Variants in MYH4 observed in about 807,000 individuals in gnomAD.
The protein encoded by MYH4 is myosin heavy chain 4.
In MYH4, 200 loss-of-function variants were observed where a neutral mutation model predicts 229.9. The ratio of observed to expected loss-of-function variants is 0.87; its 90% confidence interval spans 0.78 to 0.98. MYH4 has a LOEUF of 0.98. MYH4 is among the 50% of genes least tolerant of loss of function. MYH4 has a pLI of 0.00. For missense variants in MYH4, 2,148 were observed against 2,332.6 expected, an observed-to-expected ratio of 0.92 and a Z score of 1.63; for synonymous variants, 761 against 834.6, an observed-to-expected ratio of 0.91 and a Z score of 1.52.
Position 10,459,324 on chromosome 17 carries a change from T to C in MYH4, c.1514A>G (p.Lys505Arg), listed in dbSNP as rs370952158. ...GAACTCCCACTCGATGCCTTCCTTC[T>C]TGTACTCTTCCTGCTCCAGCACGAA... ...HMFVLEQEEYKKEGIEWEFID... is the reference protein window; with the variant it reads ...HMFVLEQEEYRKEGIEWEFID... Residue 505 changes from lysine to arginine, a missense_variant, in exon 15 of 40, where the codon AAG becomes AGG. Transcript: ENST00000255381. The C allele has an allele frequency of 2.5e-6, 4 of 1,614,030 alleles. No individual in the cohort carries two copies. The highest frequency in any genetic ancestry group is 3.4e-6 in the Non-Finnish European group (4 of 1,180,028).
intron 16 of MYH4, 144 bp from the exon 17 acceptor site, chr17:10,456,699 C>T (rs2041123): frequency 1.6e-6 from 1 of 634,196 alleles, no homozygotes. Flanking sequence ...CATATCTCTC[C>T]TCCCTCAATT....
rs1409195717 is a variant in MYH4 at position 10,450,221 on chromosome 17, A to C, written c.4181+232T>G. Reference sequence around the variant, plus strand: ...TTAATAATCCATCTTGGTGGAAAGAAATTTAAGATGCTTCTGGACAAGAAT... The same window carrying C: ...TTAATAATCCATCTTGGTGGAAAGACATTTAAGATGCTTCTGGACAAGAAT... On this transcript the variant is annotated intron_variant, in intron 30 of 39. Coordinates refer to ENST00000255381, the MANE Select transcript of MYH4 (RefSeq NM_017533.2). Among the ~76,000 whole-genome samples the C allele has an allele frequency of 3.3e-5, 5 of 152,198 alleles. No homozygotes were observed. In the East Asian group the frequency reaches 5.8e-4, roughly 18 times the overall value.
Position 10,452,484 on chromosome 17 carries a change from G to A in MYH4, c.3280C>T (p.Leu1094=). ...LKKKEFEMSN[L]QGKIEDEQAL... ...TGTTCATCTTCAATCTTGCCTTGCA[G>A]ATTGCTCATTTCAAACTCTTTCCTA... Residue 1094 remains leucine, a synonymous_variant, in exon 26 of 40, where the codon CTG becomes TTG. Coordinates refer to ENST00000255381, the MANE Select transcript of MYH4 (RefSeq NM_017533.2). 6.2e-7 allele frequency: 1 copy of A among 1,614,036 alleles called. No homozygotes were observed. The highest frequency in any genetic ancestry group is 8.5e-7 in the Non-Finnish European group (1 of 1,179,990).
chr17:10,447,717 C>T, intron 34 of MYH4, 101 bp downstream of exon 34: 1 of 1,160,764 alleles, frequency 8.6e-7, no homozygotes, highest in Admixed American at 2.3e-5. Context: ...TACCATGTTG[C>T]TTAGGTGATT....
chr17:10,453,045 A>T, intron 24 of MYH4, 107 bp downstream of exon 24: 1 of 1,588,808 alleles, frequency 6.3e-7, no homozygotes, highest in Non-Finnish European at 8.6e-7. Flanking sequence ...TAGCACAAGA[A>T]CTTTATTCAC....
At position 10,451,934 on chromosome 17, in the gene MYH4, T is replaced by G. The variant is rs191196653; in HGVS notation, c.3738+7A>C. 321 of 1,591,742 alleles carry G rather than the reference T, an allele frequency of 2.0e-4. 2 individuals are homozygous for G. Among genetic ancestry groups the G allele is most frequent in the Non-Finnish European group, 2.6e-4 (305 of 1,168,520 alleles). ...TAAAGATGAAAAGGGCACAAGTTAA[T>G]GAAGACCTTGGCTTTGGAGACAGTC... On this transcript the variant is annotated splice_region_variant and intron_variant, in intron 27 of 39. Transcript: ENST00000255381.
At chr17:10,463,816 T>G (rs1272117871) in intron 7 of MYH4, among the ~76,000 whole-genome samples, 173 bp from the exon 8 acceptor site, 1 of 152,224 alleles carries the variant, frequency 6.6e-6, no homozygotes, top group Admixed American at 6.5e-5. Flanking sequence ...ACTCCAGTGA[T>G]GTGGTCTTGA....
At chr17:10,460,157 A>G (rs758936515) in intron 13 of MYH4, 46 bp downstream of exon 13, 1 of 1,613,084 alleles carries the variant, frequency 6.2e-7, no homozygotes, top group Admixed American at 1.7e-5. Context: ...TGAACTCCTG[A>G]GTCACTTGCG....
chr17:10,454,807 C>A lies in MYH4; in HGVS notation c.2439G>T (p.Glu813Asp). Residue 813 changes from glutamate (E) to aspartate (D), a missense_variant, in exon 22 of 40, where the codon GAG becomes GAT. Transcript: ENST00000255381. ...TGTTGTACTGAATGCAGAAGATGGA[C>A]TCTCTGTAGGAAAAGAAAAAAAGAT... ...VEFRKMMERR[E>D]SIFCIQYNIR... The A allele has an allele frequency of 6.2e-7, 1 of 1,613,318 alleles. No individual in the cohort carries two copies. Among genetic ancestry groups the A allele is most frequent in the Admixed American group, 1.7e-5 (1 of 59,892 alleles).
chr17:10,464,673 C>A lies in MYH4; in HGVS notation c.533+8G>T, dbSNP rs747808617. ...CAAAACAGAAAGAAAGTAACGAAAT[C>A]TACATACGTAATCAAGATTGACTGG... is the stretch of plus-strand genomic sequence containing the variant. On this transcript the variant is annotated splice_region_variant and intron_variant, in intron 6 of 39. Coordinates refer to ENST00000255381, the MANE Select transcript of MYH4 (RefSeq NM_017533.2). The A allele has an allele frequency of 6.2e-7, 1 of 1,613,748 alleles. No individual in the cohort carries two copies. Among genetic ancestry groups the A allele is most frequent in the Non-Finnish European group, 8.5e-7 (1 of 1,179,728 alleles).
At chr17:10,456,754 A>G (rs538991122) in intron 16 of MYH4, among the ~76,000 whole-genome samples, 199 bp from the exon 17 acceptor site, 1 of 152,326 alleles carries the variant, frequency 6.6e-6, no homozygotes, top group East Asian at 1.9e-4. Flanking sequence ...ATAGTCATTC[A>G]TGAAAAAACC....
intron 15 of MYH4, among the ~76,000 whole-genome samples, chr17:10,458,301 A>G (rs916763230): frequency 6.6e-6 from 1 of 152,166 alleles, no homozygotes; most frequent in Non-Finnish European, 1.5e-5. Context: ...AAAATTCAAC[A>G]TTGATGATTT....
rs771077344 is a variant in MYH4, at chr17:10,454,952, C to G, written c.2424G>C (p.Met808Ile). ...GTGTGGGCTCTCACCTCCTCTCCAT[C>G]ATCTTTCTGAACTCCACTCTCATCA... ...GFLMRVEFRKMMERRESIFCI... is the reference protein window; with the variant it reads ...GFLMRVEFRKIMERRESIFCI... Residue 808 changes from methionine (M) to isoleucine (I), a missense_variant, in exon 21 of 40, where the codon ATG becomes ATC. Coordinates refer to ENST00000255381, the MANE Select transcript of MYH4 (RefSeq NM_017533.2). 1.9e-6 allele frequency: 3 copies of G among 1,614,188 alleles called. No homozygotes were observed. In the African/African-American group the frequency reaches 4.0e-5, roughly 22 times the overall value.
At chr17:10,469,076 GT>G (rs1414179025) in intron 2 of MYH4, among the ~76,000 whole-genome samples, 3 of 143,042 alleles carry the variant, frequency 2.1e-5, no homozygotes, top group Non-Finnish European at 4.6e-5. Flanking sequence ...TCTTTCTGTA[GT>G]TCTAACAACA....
At chr17:10,444,103 G>C (rs1436488513) in intron 39 of MYH4, among the ~76,000 whole-genome samples, 2 of 152,082 alleles carry the variant, frequency 1.3e-5, no homozygotes, top group Non-Finnish European at 2.9e-5. Flanking sequence ...AAGTAGCAGG[G>C]ATCTGAATTC....
chr17:10,453,362 G>C (rs754167863), intron 23 of MYH4, 34 bp from the exon 24 acceptor site: 1 of 1,613,634 alleles, frequency 6.2e-7, no homozygotes, highest in African/African-American at 1.3e-5. Context: ...GAATGTCAAT[G>C]ACAACGTATT....
intron 15 of MYH4, among the ~76,000 whole-genome samples, chr17:10,458,660 G>A (rs769997928): frequency 6.6e-6 from 1 of 152,118 alleles, no homozygotes; most frequent in Non-Finnish European, 1.5e-5. Context: ...AGTGTTTAAC[G>A]ATTGCTTGAT....
chr17:10,463,245 T>G, intron 9 of MYH4, 57 bp from the exon 10 acceptor site: 1 of 1,559,836 alleles, frequency 6.4e-7, no homozygotes, highest in Non-Finnish European at 8.8e-7. Context: ...AATTAAGTGT[T>G]TGAAAATTTC....
chr17:10,455,427 CTTTA>C, intron 19 of MYH4, 132 bp from the exon 20 acceptor site: 4 of 1,301,166 alleles, frequency 3.1e-6, no homozygotes, highest in Non-Finnish European at 3.1e-6. Context: ...AAAGTCAGTG[CTTTA>C]TTTAAAACTT....
Sources: gnomAD v4.1 joint callset for allele counts (sites outside exome capture counted in the v4.1 genomes callset) on GRCh38, gnomAD v4.1.1 for gene constraint, MANE v1.5 for transcripts, NCBI Gene and HGNC (gene_info 2026-07-23, HGNC 2026-07-21) for gene names.